The following LMO4 variants were observed in gnomAD, a reference collection of about 807,000 sequenced individuals.
LMO4 encodes the protein LIM domain only 4, also known as LIM domain transcription factor LMO4.
In LMO4, 3 loss-of-function variants were observed where a neutral mutation model predicts 18.5. The observed-to-expected ratio is 0.16, with a 90% CI of 0.07 to 0.42. The LOEUF (loss-of-function observed/expected upper bound fraction) is 0.42. Ranked by LOEUF, LMO4 falls within the 10% of genes least tolerant of loss-of-function variation. LMO4 has a pLI of 0.99. For synonymous variants in LMO4, 100 were observed against 88.1 expected (o/e 1.14, Z -0.76); for missense variants, 121 against 219.9 (o/e 0.55, Z 2.84).
chr1:87,344,505 C>T (rs1413292897), intron 4 of LMO4, among the ~76,000 whole-genome samples: 2 of 152,220 alleles, frequency 1.3e-5, no homozygotes, highest in African/African-American at 4.8e-5. Context: ...GACACTTGCT[C>T]TTAACAGAGT....
chr1:87,342,662 T>C (rs1341228385), intron 4 of LMO4, among the ~76,000 whole-genome samples: 1 of 152,194 alleles, frequency 6.6e-6, no homozygotes. Context: ...AACATTTCCC[T>C]GTTGGCGTAA....
chr1:87,346,189 C>T lies in LMO4; in HGVS notation c.*1393C>T, dbSNP rs1239456308. 2 of 152,194 alleles carry T rather than the reference C, an allele frequency of 1.3e-5. No individual in the cohort carries two copies. Among genetic ancestry groups the T allele is most frequent in the East Asian group, 3.9e-4 (2 of 5,180 alleles). The allele number at this position is 152,194 out of a possible 1,614,324, so 9.4% of individuals were successfully genotyped here. On this transcript the variant is annotated 3_prime_UTR_variant, in exon 5 of 5. Coordinates refer to ENST00000370544, the MANE Select transcript of LMO4 (RefSeq NM_006769.4). Reference sequence around the variant, plus strand: ...TTTTGCTCCTACACTTCTTTACTGACTGCGTTTCCGTATGTATTTTGGGGG... The same window carrying T: ...TTTTGCTCCTACACTTCTTTACTGATTGCGTTTCCGTATGTATTTTGGGGG...
Position 87,329,708 on chromosome 1 carries a change from T to C in LMO4, c.-4+464T>C, listed in dbSNP as rs1486001574. ...GAGCAGGATTCGGTATTGCTGGTTC[T>C]TTTAAAAAAATTCTTCTTGGCTTAT... On this transcript the variant is annotated intron_variant, in intron 1 of 4. Transcript: ENST00000370544. Among the ~76,000 whole-genome samples, 5 of 152,204 alleles carry C rather than the reference T, an allele frequency of 3.3e-5. No individual in the cohort carries two copies. The East Asian group carries it at 7.7e-4, about 23-fold the overall frequency.
chr1:87,334,948 A>G (rs1413230264), intron 2 of LMO4, among the ~76,000 whole-genome samples: 1 of 151,480 alleles, frequency 6.6e-6, no homozygotes, highest in Non-Finnish European at 1.5e-5. Context: ...TCTGCTCCGA[A>G]TGACGTGTCC....
chr1:87,335,298 C>G (rs1176205648), intron 2 of LMO4, among the ~76,000 whole-genome samples: 2 of 152,158 alleles, frequency 1.3e-5, no homozygotes, highest in Non-Finnish European at 2.9e-5. Flanking sequence ...GTTCGGAGAC[C>G]GGCGGGTGGG....
At position 87,346,688 on chromosome 1, in the gene LMO4, C is replaced by T. The variant is rs1650644388; in HGVS notation, c.*1892C>T. The T allele has an allele frequency of 6.6e-6, 1 of 152,038 alleles. No individual in the cohort carries two copies. The highest frequency in any genetic ancestry group is 1.5e-5 in the Non-Finnish European group (1 of 68,024). The allele number at this position is 152,038 out of a possible 1,614,324, so 9.4% of individuals were successfully genotyped here. A position where few individuals can be genotyped will look rare whatever the true frequency, so the allele number is the denominator to read the frequency against. ...AAAAAATCAGTTGAACTTCAAACCT[C>T]CTAGAGGAGATTGTAAAGGCATAGA... On this transcript the variant is annotated 3_prime_UTR_variant, in exon 5 of 5. Coordinates refer to ENST00000370544, the MANE Select transcript of LMO4 (RefSeq NM_006769.4).
At position 87,345,926 on chromosome 1, in the gene LMO4, C is replaced by T. The variant is rs1650611922; in HGVS notation, c.*1130C>T. The T allele has an allele frequency of 6.6e-6, 1 of 152,014 alleles. No homozygotes were observed. Among genetic ancestry groups the T allele is most frequent in the Non-Finnish European group, 1.5e-5 (1 of 68,004 alleles). 9.4% of individuals were successfully genotyped at this position (152,014 alleles called of 1,614,324 possible). ...TCTTTTTCTCAATAGCAAACAAAGC[C>T]TTGGGTATTGATGAAAAGTATGTAT... On this transcript the variant is annotated 3_prime_UTR_variant, in exon 5 of 5. Transcript: ENST00000370544.
chr1:87,342,995 G>T (rs984270303), intron 4 of LMO4, among the ~76,000 whole-genome samples: 4 of 152,088 alleles, frequency 2.6e-5, no homozygotes, highest in African/African-American at 9.7e-5. Flanking sequence ...GGGAAAATTG[G>T]ACATTTATTT....
intron 4 of LMO4, among the ~76,000 whole-genome samples, chr1:87,343,832 C>G (rs1650560534): frequency 6.6e-6 from 1 of 152,194 alleles, no homozygotes; most frequent in African/African-American, 2.4e-5. Flanking sequence ...TCCTAATAGA[C>G]TACAGGCTTT....
intron 1 of LMO4, 167 bp from the exon 2 acceptor site, chr1:87,331,846 C>T (rs978498444): frequency 1.7e-6 from 1 of 591,610 alleles, no homozygotes; most frequent in South Asian, 2.2e-5. Flanking sequence ...GCGAGCCTCC[C>T]TTCTTCCCTC....
At chr1:87,332,629 A>G (rs891800440) in intron 2 of LMO4, among the ~76,000 whole-genome samples, 4 of 152,244 alleles carry the variant, frequency 2.6e-5, no homozygotes, top group African/African-American at 9.6e-5. Flanking sequence ...TCACAGAGGA[A>G]CCCAGAAACA....
rs751266681 is a variant in LMO4 at position 87,339,525 on chromosome 1, CTT to C, written c.237-9_237-8del. On this transcript the variant is annotated splice_polypyrimidine_tract_variant and intron_variant, in intron 2 of 4. Coordinates refer to ENST00000370544, the MANE Select transcript of LMO4 (RefSeq NM_006769.4). ...TTATTCACTGGTGTCAACCGTTATT[CTT>C]TGTTTCAGGTTATTTGGAAATAGCG... 2.4e-5 allele frequency: 38 copies of C among 1,603,116 alleles called. No individual in the cohort carries two copies. In the African/African-American group the frequency reaches 3.6e-4, roughly 15 times the overall value.
At position 87,345,958 on chromosome 1, in the gene LMO4, A is replaced by G. The variant is rs180887318; in HGVS notation, c.*1162A>G. On this transcript the variant is annotated 3_prime_UTR_variant, in exon 5 of 5. Transcript: ENST00000370544. ...ATTGATGAAAAGTATGTATAAAAAAAAATACGGCACAACCATCCTGTTCTC... is the reference window on the plus strand; with the variant it reads ...ATTGATGAAAAGTATGTATAAAAAAGAATACGGCACAACCATCCTGTTCTC... 1 of 152,354 alleles carries G rather than the reference A, an allele frequency of 6.6e-6. No homozygotes were observed. The highest frequency in any genetic ancestry group is 1.9e-4 in the East Asian group (1 of 5,184). The allele number at this position is 152,354 out of a possible 1,614,324, so 9.4% of individuals were successfully genotyped here. A position where few individuals can be genotyped will look rare whatever the true frequency, so the allele number is the denominator to read the frequency against.
intron 1 of LMO4, among the ~76,000 whole-genome samples, chr1:87,329,482 T>C (rs906805055): frequency 2.6e-5 from 4 of 152,118 alleles, no homozygotes; most frequent in Non-Finnish European, 5.9e-5. Flanking sequence ...AAAAGGGCTC[T>C]TCTTGGAAAC....
chr1:87,347,217 T>G lies in LMO4; in HGVS notation c.*2421T>G, dbSNP rs938526987. 6.6e-6 allele frequency: 1 copy of G among 152,218 alleles called. No individual in the cohort carries two copies. The highest frequency in any genetic ancestry group is 1.5e-5 in the Non-Finnish European group (1 of 68,044). 9.4% of individuals were successfully genotyped at this position (152,218 alleles called of 1,614,324 possible). A position where few individuals can be genotyped will look rare whatever the true frequency, so the allele number is the denominator to read the frequency against. ...TAATCCACATGCAAGTGATGAAGCCTTCTCTTTGATGTGCTAAATTGGAGA... is the reference window on the plus strand; with the variant it reads ...TAATCCACATGCAAGTGATGAAGCCGTCTCTTTGATGTGCTAAATTGGAGA... On this transcript the variant is annotated 3_prime_UTR_variant, in exon 5 of 5. Transcript: ENST00000370544.
At chr1:87,330,605 T>G (rs759498078) in intron 1 of LMO4, among the ~76,000 whole-genome samples, 8 of 152,170 alleles carry the variant, frequency 5.3e-5, no homozygotes, top group Non-Finnish European at 8.8e-5. Context: ...TCGGCCTATT[T>G]AAGGAACCCG....
chr1:87,341,149 G>T (rs928009108), intron 4 of LMO4, among the ~76,000 whole-genome samples: 1 of 152,176 alleles, frequency 6.6e-6, no homozygotes, highest in Non-Finnish European at 1.5e-5. Flanking sequence ...TATGACTCGT[G>T]TGCATAATTT....
chr1:87,331,820 C>T (rs1288996233), intron 1 of LMO4, 193 bp from the exon 2 acceptor site: 1 of 584,128 alleles, frequency 1.7e-6, no homozygotes, highest in Admixed American at 3.0e-5. Context: ...GAAAAGTAAA[C>T]AGGCGGCTGC....
At position 87,339,617 on chromosome 1, in the gene LMO4, T is replaced by C. The variant is rs370603668; in HGVS notation, c.318T>C (p.Asn106=). Residue 106 remains asparagine (N), a synonymous_variant, in exon 3 of 5, where the codon AAT becomes AAC. Transcript: ENST00000370544. The part of the protein sequence containing the change: ...ASELVMRAQG[N]VYHLKCFTCS... ...AACTCGTCATGAGGGCGCAAGGCAATGTGTATCATCTTAAGGTAGTATTTG... is the reference window on the plus strand; with the variant it reads ...AACTCGTCATGAGGGCGCAAGGCAACGTGTATCATCTTAAGGTAGTATTTG... 7.2e-5 allele frequency: 116 copies of C among 1,611,304 alleles called. No homozygotes were observed. Among genetic ancestry groups the C allele is most frequent in the Non-Finnish European group, 9.2e-5 (108 of 1,177,502 alleles).
Sources: allele counts gnomAD v4.1 joint callset (sites outside exome capture counted in the v4.1 genomes callset), GRCh38; gene constraint gnomAD v4.1.1; transcripts MANE v1.5; gene names NCBI Gene and HGNC (gene_info 2026-07-23, HGNC 2026-07-21).